UVRAG: variants seen among roughly 807,000 people sequenced by gnomAD.
UVRAG encodes UV radiation resistance associated, also known as UV radiation resistance-associated gene protein.
Under a neutral mutation model 78.0 loss-of-function variants are expected in UVRAG, and 19 were observed. The observed-to-expected ratio is 0.24, with a 90% CI of 0.17 to 0.36. The LOEUF (loss-of-function observed/expected upper bound fraction) is 0.36, where lower values mean the gene tolerates loss of function less well. Ranked by LOEUF, UVRAG falls within the 10% of genes least tolerant of loss-of-function variation. The pLI is 1.00. For missense variants in UVRAG, 740 were observed against 853.8 expected, an observed-to-expected ratio of 0.87 and a Z score of 1.66; for synonymous variants, 323 against 324.6, an observed-to-expected ratio of 1.00 and a Z score of 0.05.
intron 1 of UVRAG, among the ~76,000 whole-genome samples, chr11:75,842,542 A>G (rs2135843767): frequency 6.6e-6 from 1 of 151,766 alleles, no homozygotes; most frequent in East Asian, 1.9e-4. Flanking sequence ...CCTGGGTTCA[A>G]ACGATTCTCC....
chr11:76,093,507 A>G (rs1030714311), intron 13 of UVRAG, among the ~76,000 whole-genome samples: 1 of 152,164 alleles, frequency 6.6e-6, no homozygotes, highest in Non-Finnish European at 1.5e-5. Flanking sequence ...ATGTTCTTCC[A>G]TTTGTTTGTA....
At chr11:76,095,907 A>T (rs1951778832) in intron 13 of UVRAG, among the ~76,000 whole-genome samples, 1 of 151,146 alleles carries the variant, frequency 6.6e-6, no homozygotes, top group Non-Finnish European at 1.5e-5. Flanking sequence ...TTAGAGGGAG[A>T]TGCCACCTCT....
At chr11:75,877,946 T>A (rs1427727896) in intron 3 of UVRAG, among the ~76,000 whole-genome samples, 3 of 143,870 alleles carry the variant, frequency 2.1e-5, no homozygotes, top group Non-Finnish European at 4.5e-5. Context: ...ACGGGGCGGC[T>A]GGCCTGGTGG....
At chr11:76,040,342 G>A (rs1456273623) in intron 12 of UVRAG, among the ~76,000 whole-genome samples, 2 of 151,628 alleles carry the variant, frequency 1.3e-5, no homozygotes, top group Non-Finnish European at 2.9e-5. Flanking sequence ...GCATGGTGGC[G>A]GGCGCCTGTA....
rs1186967003 is a variant in UVRAG at position 75,945,584 on chromosome 11, G to A, written c.594-15860G>A. Among the ~76,000 whole-genome samples the A allele has an allele frequency of 1.3e-5, 2 of 152,004 alleles. 1 individual carries two copies. The highest frequency in any genetic ancestry group is 2.9e-5 in the Non-Finnish European group (2 of 67,982). ...AGGTGCCTGGTCTTTTTGCATTGCA[G>A]CCTACATACATGACATCTCGTGGTC... On this transcript the variant is annotated intron_variant, in intron 6 of 14. Coordinates refer to ENST00000356136, the MANE Select transcript of UVRAG (RefSeq NM_003369.4).
At chr11:76,043,515 T>C (rs1322521758) in intron 12 of UVRAG, among the ~76,000 whole-genome samples, 1 of 152,210 alleles carries the variant, frequency 6.6e-6, no homozygotes, top group Admixed American at 6.5e-5. Context: ...AGTTATATGT[T>C]CTAGAGGACA....
In UVRAG at chr11:75,828,673, A is replaced by G. The variant is rs982862703; in HGVS notation, c.117+13149A>G. ...TATATGAATATAAATAAATATATAA[A>G]TATATACACATATACATGTGTGTGT... is the stretch of plus-strand genomic sequence containing the variant. On this transcript the variant is annotated intron_variant, in intron 1 of 14. Coordinates refer to ENST00000356136, the MANE Select transcript of UVRAG (RefSeq NM_003369.4). 2.8e-5 allele frequency among the ~76,000 whole-genome samples: 4 copies of G among 141,342 alleles called. No homozygotes were observed. In the Admixed American group the frequency reaches 3.0e-4, roughly 11 times the overall value. The allele number at this position is 141,342 out of a possible 152,430, so 92.7% of individuals were successfully genotyped here.
intron 4 of UVRAG, among the ~76,000 whole-genome samples, chr11:75,881,043 A>G (rs1946934445): frequency 6.8e-6 from 1 of 146,564 alleles, no homozygotes; most frequent in South Asian, 2.1e-4. Context: ...TCCTGGGTTC[A>G]AGTGATCCTT....
intron 12 of UVRAG, among the ~76,000 whole-genome samples, chr11:76,020,353 C>T (rs1950221704): frequency 6.6e-6 from 1 of 152,124 alleles, no homozygotes; most frequent in Non-Finnish European, 1.5e-5. Flanking sequence ...TACCTGAAAA[C>T]AGCACATCTC....
chr11:75,853,246 ATTGT>A (rs1042670508), intron 2 of UVRAG, among the ~76,000 whole-genome samples: 98 of 144,166 alleles, frequency 6.8e-4, no homozygotes, highest in African/African-American at 2.7e-3. Context: ...TAAAGCAGTG[ATTGT>A]TTAACAACTT....
intron 6 of UVRAG, among the ~76,000 whole-genome samples, chr11:75,943,618 T>C (rs1457152822): frequency 2.0e-5 from 3 of 152,152 alleles, no homozygotes; most frequent in East Asian, 3.8e-4. Context: ...TATTGTTCTA[T>C]AACTGTCGCT....
intron 1 of UVRAG, among the ~76,000 whole-genome samples, chr11:75,822,981 CCTT>C (rs968228446): frequency 2.6e-5 from 4 of 152,094 alleles, no homozygotes; most frequent in African/African-American, 9.7e-5. Flanking sequence ...TGACCATTCT[CCTT>C]CTAGGAGCTC....
chr11:76,117,827 C>T lies in UVRAG; in HGVS notation c.1397+1812C>T, dbSNP rs572464233. Among the ~76,000 whole-genome samples, 32 of 152,338 alleles carry T rather than the reference C, an allele frequency of 2.1e-4. No individual in the cohort carries two copies. In the South Asian group the frequency reaches 6.2e-3, roughly 30 times the overall value. ...ACCAATCAGGAAAGTCCCTCCTCCT[C>T]TGAGAGAGTGAGAGGATGGAGAGAG... On this transcript the variant is annotated intron_variant, in intron 14 of 14. Coordinates refer to ENST00000356136, the MANE Select transcript of UVRAG (RefSeq NM_003369.4).
At position 76,140,773 on chromosome 11, in the gene UVRAG, G is replaced by A; in HGVS notation, c.1460G>A (p.Gly487Asp). 1 of 1,613,558 alleles carries A rather than the reference G, an allele frequency of 6.2e-7. No individual in the cohort carries two copies. The change falls in exon 15 of 15, where the codon GGT becomes GAT. Residue 487 changes from glycine (G) to aspartate (D), a missense_variant. Transcript: ENST00000356136. The stretch of plus-strand genomic sequence containing the variant: ...AAGAGACAAAGCTCCATATTTGGGG[G>A]TGCAGATGTAGGCTTCTCTGGGGGG... ...VPKRQSSIFG[G>D]ADVGFSGGIP...
intron 7 of UVRAG, among the ~76,000 whole-genome samples, chr11:75,979,255 A>G (rs1949332637): frequency 6.6e-6 from 1 of 152,156 alleles, no homozygotes; most frequent in Non-Finnish European, 1.5e-5. Flanking sequence ...TCAGAGGGGC[A>G]CCTGGCCGTA....
chr11:76,119,383 C>T (rs895379329), intron 14 of UVRAG, among the ~76,000 whole-genome samples: 2 of 152,084 alleles, frequency 1.3e-5, no homozygotes, highest in African/African-American at 2.4e-5. Context: ...AGTGTTCTCA[C>T]CCATTCCCAT....
chr11:75,901,553 G>C (rs1947500472), intron 5 of UVRAG, among the ~76,000 whole-genome samples: 1 of 152,094 alleles, frequency 6.6e-6, no homozygotes, highest in African/African-American at 2.4e-5. Context: ...GTGTTTCTTA[G>C]TGAAGTGAAT....
chr11:76,021,889 AC>A (rs959857276), intron 12 of UVRAG, among the ~76,000 whole-genome samples: 1 of 152,160 alleles, frequency 6.6e-6, no homozygotes, highest in Non-Finnish European at 1.5e-5. Flanking sequence ...CACTGTCTTT[AC>A]AAAAAATACA....
At chr11:75,818,495 T>C (rs1217431865) in intron 1 of UVRAG, among the ~76,000 whole-genome samples, 1 of 151,954 alleles carries the variant, frequency 6.6e-6, no homozygotes, top group Non-Finnish European at 1.5e-5. Flanking sequence ...TTTTTTTTTT[T>C]TGAGATGGAG....
Sources: gnomAD v4.1 joint callset for allele counts (sites outside exome capture counted in the v4.1 genomes callset) on GRCh38, gnomAD v4.1.1 for gene constraint, MANE v1.5 for transcripts, NCBI Gene and HGNC (gene_info 2026-07-23, HGNC 2026-07-21) for gene names.